ANKS1B: variants seen among roughly 807,000 people sequenced by gnomAD.
The protein encoded by ANKS1B is ankyrin repeat and sterile alpha motif domain-containing protein 1B.
Under a neutral mutation model 148.3 loss-of-function variants are expected in ANKS1B, and 36 were observed. The observed-to-expected ratio is 0.24, with a 90% CI of 0.19 to 0.32. ANKS1B has a LOEUF of 0.32. Among genes scored for constraint, ANKS1B ranks in the 10% least tolerant of loss-of-function variants. The pLI, the probability that ANKS1B is intolerant of heterozygous loss-of-function variation, is 1.00. For missense variants in ANKS1B, 1,157 were observed against 1,542.6 expected, an observed-to-expected ratio of 0.75 and a Z score of 4.19; for synonymous variants, 542 against 560.8, an observed-to-expected ratio of 0.97 and a Z score of 0.47.
At chr12:99,700,880 G>C (rs1327570118) in intron 8 of ANKS1B, among the ~76,000 whole-genome samples, 1 of 152,148 alleles carries the variant, frequency 6.6e-6, no homozygotes, top group Non-Finnish European at 1.5e-5. Flanking sequence ...ACTTGAAGCA[G>C]AAAGTTTTGC....
At chr12:99,098,374 A>G (rs1156931754) in intron 15 of ANKS1B, among the ~76,000 whole-genome samples, 2 of 152,052 alleles carry the variant, frequency 1.3e-5, no homozygotes, top group African/African-American at 4.8e-5. Flanking sequence ...CTTTCCTACA[A>G]TTTCTACCCA....
intron 8 of ANKS1B, among the ~76,000 whole-genome samples, chr12:99,748,755 C>T (rs2060835471): frequency 6.6e-6 from 1 of 151,976 alleles, no homozygotes; most frequent in Non-Finnish European, 1.5e-5. Flanking sequence ...AGAAGGAAAA[C>T]AGAGAAGACT....
intron 12 of ANKS1B, among the ~76,000 whole-genome samples, chr12:99,295,079 A>G (rs2080677457): frequency 6.6e-6 from 1 of 152,216 alleles, no homozygotes; most frequent in Non-Finnish European, 1.5e-5. Flanking sequence ...ACATACATGC[A>G]CTACGTACCC....
chr12:98,949,167 C>T (rs529046217), intron 17 of ANKS1B, among the ~76,000 whole-genome samples: 15 of 151,740 alleles, frequency 9.9e-5, no homozygotes, highest in African/African-American at 2.4e-4. Flanking sequence ...TTAGCCAGGA[C>T]GGTCTCGATC....
At chr12:99,135,382 C>T (rs576352433) in intron 15 of ANKS1B, among the ~76,000 whole-genome samples, 109 of 152,158 alleles carry the variant, frequency 7.2e-4, no homozygotes, top group Non-Finnish European at 1.2e-3. Context: ...AAGGGAATTT[C>T]CCAAAATGTA....
At position 99,893,280 on chromosome 12, in the gene ANKS1B, G is replaced by A. The variant is rs185138335; in HGVS notation, c.135-67891C>T. The stretch of plus-strand genomic sequence containing the variant: ...AAAAAAATTAGCCGGGTGTGGTGGC[G>A]GGAGCCTGTAGTCCCAGCCACTCAG... On this transcript the variant is annotated intron_variant, in intron 1 of 26. Transcript: ENST00000683438. Among the ~76,000 whole-genome samples the A allele has an allele frequency of 2.1e-3, 320 of 151,980 alleles. 9 individuals carry two copies. In the East Asian group the frequency reaches 0.042, roughly 20 times the overall value.
intron 14 of ANKS1B, among the ~76,000 whole-genome samples, chr12:99,163,294 T>C (rs899249587): frequency 9.9e-5 from 15 of 152,130 alleles, no homozygotes; most frequent in South Asian, 2.1e-4. Flanking sequence ...TTGAAATAAT[T>C]GTCAATTTGC....
intron 14 of ANKS1B, among the ~76,000 whole-genome samples, chr12:99,216,784 A>T (rs963147882): frequency 3.3e-5 from 5 of 152,200 alleles, no homozygotes; most frequent in Admixed American, 2.0e-4. Context: ...TTCATACTAG[A>T]ATTTTTGATA....
At chr12:99,714,219 T>C (rs1023490713) in intron 8 of ANKS1B, among the ~76,000 whole-genome samples, 1 of 150,566 alleles carries the variant, frequency 6.6e-6, no homozygotes, top group Admixed American at 6.7e-5. Flanking sequence ...GCTTCTGTCA[T>C]GGCATTGCTT....
chr12:99,228,099 G>A (rs893775868), intron 14 of ANKS1B, among the ~76,000 whole-genome samples: 2 of 152,026 alleles, frequency 1.3e-5, no homozygotes, highest in African/African-American at 4.8e-5. Flanking sequence ...TATGAGCCAT[G>A]GAATTATAGA....
chr12:99,840,843 A>G (rs1200253582), intron 1 of ANKS1B, among the ~76,000 whole-genome samples: 1 of 152,132 alleles, frequency 6.6e-6, no homozygotes, highest in East Asian at 1.9e-4. Context: ...TAAAATAATA[A>G]GAAGATAATC....
chr12:98,983,515 T>C (rs2099919084), intron 17 of ANKS1B, among the ~76,000 whole-genome samples: 1 of 152,218 alleles, frequency 6.6e-6, no homozygotes, highest in Non-Finnish European at 1.5e-5. Context: ...TAATGCACCA[T>C]AGTCACAAGA....
intron 8 of ANKS1B, among the ~76,000 whole-genome samples, chr12:99,683,884 A>G (rs1233493050): frequency 1.3e-5 from 2 of 152,132 alleles, no homozygotes; most frequent in Non-Finnish European, 2.9e-5. Context: ...ATAGACACAG[A>G]AAAAGCATTT....
At chr12:99,136,733 T>C (rs544992789) in intron 15 of ANKS1B, among the ~76,000 whole-genome samples, 1 of 152,114 alleles carries the variant, frequency 6.6e-6, no homozygotes, top group South Asian at 2.1e-4. Flanking sequence ...TTTTGGAGAG[T>C]GGGGCTGGGA....
chr12:99,838,280 T>C (rs1164964924), intron 1 of ANKS1B, among the ~76,000 whole-genome samples: 3 of 152,200 alleles, frequency 2.0e-5, no homozygotes, highest in Admixed American at 6.6e-5. Flanking sequence ...TTCATTTGGA[T>C]AGATACCCAG....
intron 12 of ANKS1B, among the ~76,000 whole-genome samples, chr12:99,327,236 T>TAATTATAATTTATTATAATTATATAAATA (rs1566900507): frequency 3.4e-5 from 4 of 118,408 alleles, no homozygotes; most frequent in Non-Finnish European, 6.4e-5. Context: ...ATAATTATAA[T>TAATTATAATTTATTATAATTATATAAATA]AATTATAATT....
intron 17 of ANKS1B, among the ~76,000 whole-genome samples, chr12:99,031,875 A>G (rs2099952414): frequency 6.6e-6 from 1 of 152,248 alleles, no homozygotes; most frequent in Non-Finnish European, 1.5e-5. Flanking sequence ...AGCTAAAAGC[A>G]TTCCTAACTG....
At chr12:99,980,010 A>G (rs1363774497) in intron 1 of ANKS1B, among the ~76,000 whole-genome samples, 1 of 151,924 alleles carries the variant, frequency 6.6e-6, no homozygotes, top group Non-Finnish European at 1.5e-5. Flanking sequence ...CTCAAGAGTC[A>G]GAAAGAAGAA....
At chr12:99,533,824 TAG>T (rs1741904043) in intron 9 of ANKS1B, among the ~76,000 whole-genome samples, 1 of 152,166 alleles carries the variant, frequency 6.6e-6, no homozygotes, top group African/African-American at 2.4e-5. Context: ...CTACACAGAG[TAG>T]ACTTTCAAAA....
Sources: gnomAD v4.1 joint callset for allele counts (sites outside exome capture counted in the v4.1 genomes callset) on GRCh38, gnomAD v4.1.1 for gene constraint, MANE v1.5 for transcripts, NCBI Gene and HGNC (gene_info 2026-07-23, HGNC 2026-07-21) for gene names.